ANO4: variants seen among roughly 807,000 people sequenced by gnomAD.
ANO4 encodes the protein anoctamin-4.
ANO4 carries 69 observed loss-of-function variants against 141.9 expected under a neutral mutation model. The observed-to-expected ratio is 0.49, with a 90% confidence interval of 0.40 to 0.59. ANO4 has a LOEUF of 0.59. Ranked by LOEUF, ANO4 falls within the 20% of genes least tolerant of loss-of-function variation. ANO4 has a pLI of 0.00. For synonymous variants in ANO4, 350 were observed against 394.3 expected (o/e 0.89, Z 1.33); for missense variants, 894 against 1,162.2 (o/e 0.77, Z 3.36).
chr12:100,879,503 CT>C (rs2039467247), intron 1 of ANO4, among the ~76,000 whole-genome samples: 1 of 152,140 alleles, frequency 6.6e-6, no homozygotes, highest in Admixed American at 6.6e-5. Flanking sequence ...TCTTTTGCAT[CT>C]ATTTCAGCAC....
chr12:101,062,692 A>G (rs1306162900), intron 14 of ANO4, among the ~76,000 whole-genome samples: 1 of 152,184 alleles, frequency 6.6e-6, no homozygotes. Context: ...TGTGAGGGGA[A>G]AATTACCTAC....
chr12:100,799,213 A>G (rs1462909073), intron 1 of ANO4, among the ~76,000 whole-genome samples: 2 of 152,172 alleles, frequency 1.3e-5, no homozygotes, highest in South Asian at 2.1e-4. Flanking sequence ...ATTCACTTCT[A>G]TTTGCTACTA....
intron 8 of ANO4, among the ~76,000 whole-genome samples, chr12:101,006,453 A>G (rs1400496056): frequency 6.6e-6 from 1 of 152,208 alleles, no homozygotes; most frequent in Non-Finnish European, 1.5e-5. Context: ...TAGTCCTAGT[A>G]ATGCTCTTCC....
At chr12:100,873,901 G>A (rs1005735731) in intron 1 of ANO4, among the ~76,000 whole-genome samples, 12 of 152,206 alleles carry the variant, frequency 7.9e-5, no homozygotes, top group African/African-American at 2.4e-4. Context: ...GTGGTTTTGC[G>A]GACTGGGCCC....
At position 100,987,628 on chromosome 12, in the gene ANO4, A is replaced by G. The variant is rs766375975; in HGVS notation, c.692A>G (p.Asn231Ser). The G allele has an allele frequency of 6.2e-7, 1 of 1,614,080 alleles. No individual in the cohort carries two copies. Among genetic ancestry groups the G allele is most frequent in the South Asian group, 1.1e-5 (1 of 91,080 alleles). The change falls in exon 8 of 28, where the codon AAT becomes AGT. Residue 231 changes from asparagine (N) to serine (S), a missense_variant. Physicochemically the swap from Asn to Ser is conservative, Grantham distance 46. Around this residue, in one of 2 missense-constraint regions of ANO4, gnomAD observed 637 missense variants for 909.2 expected, o/e 0.70. Transcript: ENST00000392977. ...GAGACACTGCCAGACCTGGAGGAGAATGACTGCTACACTGCCCCTTTCAGC... is the reference window on the plus strand; with the variant it reads ...GAGACACTGCCAGACCTGGAGGAGAGTGACTGCTACACTGCCCCTTTCAGC... ...DKETLPDLEENDCYTAPFSQQ... is the reference protein window; with the variant it reads ...DKETLPDLEESDCYTAPFSQQ...
At chr12:101,016,955 G>A (rs1194549877) in intron 8 of ANO4, among the ~76,000 whole-genome samples, 1 of 152,200 alleles carries the variant, frequency 6.6e-6, no homozygotes, top group East Asian at 1.9e-4. Context: ...AGTATATGCT[G>A]AGGTCTGTCT....
At position 101,110,391 on chromosome 12, in the gene ANO4, T is replaced by G; in HGVS notation, c.2150-13T>G. On this transcript the variant is annotated splice_polypyrimidine_tract_variant and intron_variant, in intron 22 of 27. Transcript: ENST00000392977. The stretch of plus-strand genomic sequence containing the variant: ...CCAATACTCTCTGCTCTTTTTCCTT[T>G]TTTCTTTTCTAGTTCTTCAGTTTGG... The G allele has an allele frequency of 1.2e-6, 2 of 1,600,124 alleles. No individual in the cohort carries two copies. The highest frequency in any genetic ancestry group is 1.7e-6 in the Non-Finnish European group (2 of 1,174,568).
chr12:100,956,751 G>T (rs1319561142), intron 5 of ANO4, among the ~76,000 whole-genome samples: 2 of 152,166 alleles, frequency 1.3e-5, no homozygotes, highest in Non-Finnish European at 2.9e-5. Context: ...GGCGTTCGCT[G>T]TTCGCTGTTG....
chr12:100,933,373 G>A (rs1021568044), intron 3 of ANO4, among the ~76,000 whole-genome samples: 1 of 152,128 alleles, frequency 6.6e-6, no homozygotes, highest in Non-Finnish European at 1.5e-5. Context: ...TGCGGTGTTT[G>A]GCTTTCTGTC....
chr12:101,031,889 T>G (rs2046991042), intron 9 of ANO4, among the ~76,000 whole-genome samples: 1 of 152,072 alleles, frequency 6.6e-6, no homozygotes, highest in Non-Finnish European at 1.5e-5. Flanking sequence ...TGTGAAAGAC[T>G]TCTTCAAGGA....
At chr12:100,735,648 G>A (rs1469104286) in intron 2 of ANO4, among the ~76,000 whole-genome samples, 2 of 152,078 alleles carry the variant, frequency 1.3e-5, no homozygotes, top group Non-Finnish European at 2.9e-5. Flanking sequence ...GGAGAGGGAT[G>A]GAATTGCTGG....
intron 5 of ANO4, among the ~76,000 whole-genome samples, chr12:100,946,670 G>T (rs888316867): frequency 2.0e-5 from 3 of 152,196 alleles, no homozygotes; most frequent in African/African-American, 4.8e-5. Flanking sequence ...TGTTGGGTAA[G>T]ATAGAAGAGT....
intron 8 of ANO4, among the ~76,000 whole-genome samples, chr12:100,997,356 C>G (rs2045435547): frequency 7.4e-6 from 1 of 135,490 alleles, no homozygotes; most frequent in Admixed American, 7.5e-5. Flanking sequence ...AAAAAAGTGT[C>G]TTTTCTCCAC....
intron 1 of ANO4, among the ~76,000 whole-genome samples, chr12:100,836,151 T>C (rs2036899463): frequency 6.6e-6 from 1 of 152,144 alleles, no homozygotes; most frequent in African/African-American, 2.4e-5. Flanking sequence ...TTACTTCCTT[T>C]CCTTTATATT....
rs2045277397 is a variant in ANO4 at position 100,994,409 on chromosome 12, T to A, written c.734+6739T>A. The stretch of plus-strand genomic sequence containing the variant: ...TGACACCCTTGAGGCAATTACTTTC[T>A]AAGGTCAATACCCATAATAAAGGTT... On this transcript the variant is annotated intron_variant, in intron 8 of 27. Coordinates refer to ENST00000392977, the MANE Select transcript of ANO4 (RefSeq NM_001286615.2). Among the ~76,000 whole-genome samples the A allele has an allele frequency of 2.0e-5, 3 of 152,220 alleles. No individual in the cohort carries two copies. The South Asian group carries it at 6.2e-4, about 32-fold the overall frequency.
At chr12:101,069,967 T>C (rs947832282) in intron 14 of ANO4, among the ~76,000 whole-genome samples, 10 of 151,982 alleles carry the variant, frequency 6.6e-5, no homozygotes, top group Non-Finnish European at 1.3e-4. Flanking sequence ...TTTGTTTTTT[T>C]ATAAAGTATA....
At chr12:100,781,504 G>C (rs190449514) in intron 3 of ANO4, among the ~76,000 whole-genome samples, 2 of 151,990 alleles carry the variant, frequency 1.3e-5, no homozygotes, top group African/African-American at 2.4e-5. Flanking sequence ...TTGGATTCTG[G>C]TTATACCTTG....
chr12:101,124,288 G>A (rs138541285), intron 26 of ANO4, among the ~76,000 whole-genome samples: 2 of 152,048 alleles, frequency 1.3e-5, no homozygotes, highest in African/African-American at 4.8e-5. Context: ...GTCTGTTTAT[G>A]TCTTTTGCCC....
intron 1 of ANO4, among the ~76,000 whole-genome samples, chr12:100,879,590 A>G (rs703704): frequency 0.22 from 33,690 of 152,068 alleles, 4,067 homozygotes; most frequent in African/African-American, 0.31. Flanking sequence ...TTCTTTAGAG[A>G]AAGATACACA....
Sources: gnomAD v4.1 joint callset for allele counts (sites outside exome capture counted in the v4.1 genomes callset) on GRCh38, gnomAD v4.1.1 for gene constraint, gnomAD v4.1.1 regional missense constraint, MANE v1.5 for transcripts, NCBI Gene and HGNC (gene_info 2026-07-23, HGNC 2026-07-21) for gene names.